RBFOX1: variants seen among roughly 807,000 people sequenced by gnomAD.
The protein encoded by RBFOX1 is RNA binding fox-1 homolog 1, also known as RNA binding protein fox-1 homolog 1.
In RBFOX1, 8 loss-of-function variants were observed where a neutral mutation model predicts 57.7. The observed-to-expected ratio is 0.14, with a 90% CI of 0.08 to 0.25. The LOEUF (loss-of-function observed/expected upper bound fraction) is 0.25. Ranked by LOEUF, RBFOX1 falls within the 10% of genes least tolerant of loss-of-function variation. The probability of loss-of-function intolerance (pLI) is 1.00; values close to 1 mark genes in which losing one functional copy is unlikely to be tolerated. For synonymous variants in RBFOX1, 326 were observed against 222.4 expected, an observed-to-expected ratio of 1.47 and a Z score of -4.15; for missense variants, 611 against 548.5, an observed-to-expected ratio of 1.11 and a Z score of -1.14.
At chr16:6,903,171 G>C (rs970759514) in intron 3 of RBFOX1, among the ~76,000 whole-genome samples, 3 of 152,186 alleles carry the variant, frequency 2.0e-5, no homozygotes, top group Non-Finnish European at 4.4e-5. Context: ...GAGCCTTTCA[G>C]ATGGCAGGAC....
rs148685785 is a variant in RBFOX1, at chr16:5,626,974, T to C, written c.318+28013T>C. Among the ~76,000 whole-genome samples, 586 of 152,348 alleles carry C rather than the reference T, an allele frequency of 3.8e-3. 5 individuals carry two copies. The highest frequency in any genetic ancestry group is 0.013 in the African/African-American group (536 of 41,584). On this transcript the variant is annotated intron_variant, in intron 3 of 19. Transcript: ENST00000641259. Reference sequence around the variant, plus strand: ...CCCAGTCAGTTCAGATAAATCAGCTTCCTTTTAAATTATGATCTTGGAGGA... The same window carrying C: ...CCCAGTCAGTTCAGATAAATCAGCTCCCTTTTAAATTATGATCTTGGAGGA...
At chr16:7,305,028 T>A (rs1037633828) in intron 4 of RBFOX1, among the ~76,000 whole-genome samples, 5 of 151,658 alleles carry the variant, frequency 3.3e-5, no homozygotes, top group Admixed American at 3.3e-4. Flanking sequence ...CTGGAGTGTG[T>A]CAGCCCCAGT....
chr16:5,912,396 AC>A (rs2058621749), intron 4 of RBFOX1, among the ~76,000 whole-genome samples: 1 of 152,144 alleles, frequency 6.6e-6, no homozygotes, highest in South Asian at 2.1e-4. Flanking sequence ...GCAGCTTTGC[AC>A]TAATCAGAGA....
intron 2 of RBFOX1, among the ~76,000 whole-genome samples, chr16:6,448,404 G>C (rs1007780304): frequency 2.6e-5 from 4 of 151,896 alleles, no homozygotes; most frequent in African/African-American, 9.7e-5. Context: ...TGATCTGCCC[G>C]CCTTGGCCTC....
At chr16:7,142,050 G>C (rs560511352) in intron 4 of RBFOX1, among the ~76,000 whole-genome samples, 1 of 151,226 alleles carries the variant, frequency 6.6e-6, no homozygotes, top group Admixed American at 6.6e-5. Context: ...CTGAGACAGG[G>C]TCTCACTCTG....
rs1555723721 is a variant in RBFOX1 at position 6,988,749 on chromosome 16, TTG to T, written c.-15-63306_-15-63305del. 1.6e-3 allele frequency among the ~76,000 whole-genome samples: 89 copies of T among 57,262 alleles called. 3 individuals are homozygous for T. Among genetic ancestry groups the T allele is most frequent in the Middle Eastern group, 0.011 (1 of 88 alleles). The allele number at this position is 57,262 out of a possible 152,430, so 37.6% of individuals were successfully genotyped here. A position where few individuals can be genotyped will look rare whatever the true frequency, so the allele number is the denominator to read the frequency against. The stretch of plus-strand genomic sequence containing the variant: ...CCAGCTAATTTTTTTTTTTGTTTGT[TTG>T]TTTTTTGTTTTTTGTTTTTTGTTTT... On this transcript the variant is annotated intron_variant, in intron 3 of 15. Coordinates refer to ENST00000550418, the MANE Select transcript of RBFOX1 (RefSeq NM_018723.4).
chr16:5,729,658 A>T (rs948727538), intron 3 of RBFOX1, among the ~76,000 whole-genome samples: 3 of 152,054 alleles, frequency 2.0e-5, no homozygotes, highest in African/African-American at 2.4e-5. Flanking sequence ...AGCAAGGAGG[A>T]AACTGGCCAC....
chr16:6,891,234 G>C (rs117218130), intron 3 of RBFOX1, among the ~76,000 whole-genome samples: 39 of 152,262 alleles, frequency 2.6e-4, no homozygotes, highest in South Asian at 1.9e-3. Flanking sequence ...TATAGAATAT[G>C]AATCATGAAT....
At chr16:5,835,045 T>C (rs2056415485) in intron 3 of RBFOX1, among the ~76,000 whole-genome samples, 2 of 152,084 alleles carry the variant, frequency 1.3e-5, no homozygotes, top group African/African-American at 4.8e-5. Context: ...ACAATAGATA[T>C]TGGTGCAGAT....
chr16:6,151,651 A>G (rs905118291), intron 1 of RBFOX1, among the ~76,000 whole-genome samples: 2 of 152,172 alleles, frequency 1.3e-5, no homozygotes, highest in African/African-American at 4.8e-5. Flanking sequence ...CAAATATCAC[A>G]ATCGTAATTG....
chr16:5,336,795 C>G (rs1238281909), intron 1 of RBFOX1, among the ~76,000 whole-genome samples: 2 of 152,222 alleles, frequency 1.3e-5, no homozygotes, highest in Non-Finnish European at 2.9e-5. Context: ...GCTTTGCCTT[C>G]AGCTCACAAC....
chr16:5,319,086 C>G (rs991389050), intron 1 of RBFOX1, among the ~76,000 whole-genome samples: 1 of 152,170 alleles, frequency 6.6e-6, no homozygotes, highest in Non-Finnish European at 1.5e-5. Context: ...GAGATCACGC[C>G]ACTGCACTCC....
At chr16:6,568,400 C>T (rs567448015) in intron 2 of RBFOX1, among the ~76,000 whole-genome samples, 1 of 152,188 alleles carries the variant, frequency 6.6e-6, no homozygotes, top group Non-Finnish European at 1.5e-5. Context: ...GCGGATGGCT[C>T]TCTACCAAAT....
At chr16:7,180,068 T>G (rs2082402586) in intron 4 of RBFOX1, among the ~76,000 whole-genome samples, 1 of 152,148 alleles carries the variant, frequency 6.6e-6, no homozygotes, top group Admixed American at 6.5e-5. Flanking sequence ...GAACAGAGCC[T>G]GCTTTTCTCA....
In RBFOX1 at chr16:6,605,596, C is replaced by G. The variant is rs145326224; in HGVS notation, c.-63-49007C>G. On this transcript the variant is annotated intron_variant, in intron 2 of 15. Transcript: ENST00000550418. ...TCTCTCATTTTTACTTGTGCTGCTA[C>G]TTTACATGTAGTGACTTCAAGTACA... is the stretch of plus-strand genomic sequence containing the variant. Among the ~76,000 whole-genome samples the G allele has an allele frequency of 2.9e-3, 437 of 152,290 alleles. 12 individuals carry two copies. The highest frequency in any genetic ancestry group is 0.026 in the Admixed American group (397 of 15,290).
At chr16:6,169,299 G>A (rs953510561) in intron 1 of RBFOX1, among the ~76,000 whole-genome samples, 3 of 152,092 alleles carry the variant, frequency 2.0e-5, no homozygotes, top group Non-Finnish European at 2.9e-5. Context: ...GACCACTAAG[G>A]ATTAATGCAC....
chr16:6,431,561 G>A (rs1316106283), intron 2 of RBFOX1, among the ~76,000 whole-genome samples: 5 of 152,004 alleles, frequency 3.3e-5, no homozygotes, highest in Non-Finnish European at 5.9e-5. Flanking sequence ...GGGCTCCGAG[G>A]GTGTAAATGG....
At chr16:7,651,570 T>A (rs2065070830) in intron 11 of RBFOX1, among the ~76,000 whole-genome samples, 1 of 152,190 alleles carries the variant, frequency 6.6e-6, no homozygotes, top group African/African-American at 2.4e-5. Flanking sequence ...GGACTCTGAA[T>A]AATGGGGAGA....
chr16:5,752,220 A>G (rs1273723112), intron 3 of RBFOX1, among the ~76,000 whole-genome samples: 3 of 152,232 alleles, frequency 2.0e-5, no homozygotes, highest in Non-Finnish European at 4.4e-5. Context: ...TAGCTGAATG[A>G]TGAGAACACA....
Sources: gnomAD v4.1 joint callset for allele counts (sites outside exome capture counted in the v4.1 genomes callset) on GRCh38, gnomAD v4.1.1 for gene constraint, MANE v1.5 for transcripts, NCBI Gene and HGNC (gene_info 2026-07-23, HGNC 2026-07-21) for gene names.